The following CRPPA variants were observed in gnomAD, a reference collection of about 807,000 sequenced individuals.
CRPPA encodes the protein D-ribitol-5-phosphate cytidylyltransferase.
CRPPA carries 43 observed loss-of-function variants against 52.0 expected under a neutral mutation model. The ratio of observed to expected loss-of-function variants is 0.83; its 90% CI spans 0.65 to 1.07. CRPPA has a LOEUF of 1.07. CRPPA is among the 50% of genes least tolerant of loss of function. CRPPA has a pLI of 0.00. For synonymous variants in CRPPA, 250 were observed against 203.5 expected (o/e 1.23, Z -1.94); for missense variants, 629 against 551.7 (o/e 1.14, Z -1.40).
At chr7:16,346,820 A>G (rs1786025323) in intron 3 of CRPPA, among the ~76,000 whole-genome samples, 1 of 151,872 alleles carries the variant, frequency 6.6e-6, no homozygotes, top group Non-Finnish European at 1.5e-5. Context: ...TTGCACCTCC[A>G]CTACTATAAA....
At chr7:16,359,543 T>C (rs1322179270) in intron 3 of CRPPA, among the ~76,000 whole-genome samples, 1 of 152,182 alleles carries the variant, frequency 6.6e-6, no homozygotes, top group Non-Finnish European at 1.5e-5. Context: ...CTCAACTTCG[T>C]TCTAACTTTT....
intron 9 of CRPPA, among the ~76,000 whole-genome samples, chr7:16,105,953 T>C (rs569727985): frequency 2.0e-5 from 3 of 152,098 alleles, no homozygotes; most frequent in Admixed American, 6.6e-5. Context: ...CTACACCAGT[T>C]TGACCCAGAA....
chr7:16,281,741 T>C (rs375224849), intron 5 of CRPPA, among the ~76,000 whole-genome samples: 31 of 152,308 alleles, frequency 2.0e-4, no homozygotes, highest in African/African-American at 7.5e-4. Flanking sequence ...GGGAGAGCTT[T>C]TAATAAAAAT....
At chr7:16,252,730 G>T (rs1418641402) in intron 8 of CRPPA, among the ~76,000 whole-genome samples, 1 of 152,074 alleles carries the variant, frequency 6.6e-6, no homozygotes, top group Non-Finnish European at 1.5e-5. Context: ...GAATCGGTCT[G>T]GTCCTGGATT....
At chr7:16,126,182 T>C (rs1782577166) in intron 9 of CRPPA, among the ~76,000 whole-genome samples, 1 of 152,084 alleles carries the variant, frequency 6.6e-6, no homozygotes, top group Admixed American at 6.5e-5. Context: ...AATAAAGCTA[T>C]ATTCTTAGCA....
In CRPPA at chr7:16,258,495, A is replaced by G. The variant is rs1554300202; in HGVS notation, c.1027-13T>C. 6.5e-7 allele frequency: 1 copy of G among 1,540,950 alleles called. No homozygotes were observed. Among genetic ancestry groups the G allele is most frequent in the South Asian group, 1.2e-5 (1 of 84,364 alleles). Reference sequence around the variant, plus strand: ...CAGAGGTTGTAACCTAAAAGACCAGAAAAATAAAAGGATATGAGAAGACGT... The same window carrying G: ...CAGAGGTTGTAACCTAAAAGACCAGGAAAATAAAAGGATATGAGAAGACGT... On this transcript the variant is annotated splice_polypyrimidine_tract_variant and intron_variant, in intron 7 of 9. Coordinates refer to ENST00000407010, the MANE Select transcript of CRPPA (RefSeq NM_001101426.4).
chr7:16,294,264 G>A (rs1784626734), intron 5 of CRPPA, among the ~76,000 whole-genome samples: 3 of 151,886 alleles, frequency 2.0e-5, no homozygotes, highest in African/African-American at 7.2e-5. Flanking sequence ...ACATCAGAGT[G>A]AAGTGTCAGT....
intron 1 of CRPPA, among the ~76,000 whole-genome samples, chr7:16,410,859 C>G (rs1156966441): frequency 1.6e-4 from 25 of 152,186 alleles, no homozygotes; most frequent in Non-Finnish European, 3.5e-4. Context: ...GTCTTTCATA[C>G]TCATCAGTTC....
rs3083129 is a variant in CRPPA, at chr7:16,094,570, A to AGTGT, written c.1252-2775_1252-2772dup. On this transcript the variant is annotated intron_variant, in intron 9 of 9. Transcript: ENST00000407010. ...GATCATTTTATTATTCACATACATAAGTGTGTGTGTGTGTATGTGTGTGTG... is the reference window on the plus strand; with the variant it reads ...GATCATTTTATTATTCACATACATAAGTGTGTGTGTGTGTGTGTATGTGTGTGTG... 5.3e-3 allele frequency among the ~76,000 whole-genome samples: 799 copies of AGTGT among 150,714 alleles called. 4 individuals carry two copies. Among genetic ancestry groups the AGTGT allele is most frequent in the South Asian group, 0.012 (58 of 4,768 alleles).
chr7:16,318,869 T>C (rs1785200323), intron 3 of CRPPA, among the ~76,000 whole-genome samples: 1 of 152,182 alleles, frequency 6.6e-6, no homozygotes, highest in Admixed American at 6.5e-5. Flanking sequence ...AAAAGTAGAA[T>C]ACTATTGCTG....
Position 16,406,487 on chromosome 7 carries a change from C to T in CRPPA, c.258-150G>A. 4 of 650,114 alleles carry T rather than the reference C, an allele frequency of 6.2e-6. No individual in the cohort carries two copies. In the Admixed American group the frequency reaches 1.2e-4, roughly 19 times the overall value. 40.3% of individuals were successfully genotyped at this position (650,114 alleles called of 1,614,324 possible). A position where few individuals can be genotyped will look rare whatever the true frequency, so the allele number is the denominator to read the frequency against. On this transcript the variant is annotated intron_variant, in intron 1 of 9. Transcript: ENST00000407010. ...ACAGTTTTATGCATTCTCGTTAGGT[C>T]CAGTAAAGAGGCTGATGAAAAAGAA... is the stretch of plus-strand genomic sequence containing the variant.
chr7:16,252,011 A>T (rs1783468799), intron 8 of CRPPA, among the ~76,000 whole-genome samples: 1 of 152,190 alleles, frequency 6.6e-6, no homozygotes, highest in Non-Finnish European at 1.5e-5. Flanking sequence ...AAGAGAGAAG[A>T]ATCAAATAGA....
At chr7:16,312,839 T>C (rs866658998) in intron 3 of CRPPA, among the ~76,000 whole-genome samples, 1 of 152,014 alleles carries the variant, frequency 6.6e-6, no homozygotes, top group Non-Finnish European at 1.5e-5. Context: ...TATGATTATA[T>C]GATTTTTCTC....
chr7:16,362,633 G>A (rs986192675), intron 3 of CRPPA, among the ~76,000 whole-genome samples: 1 of 152,138 alleles, frequency 6.6e-6, no homozygotes, highest in Non-Finnish European at 1.5e-5. Context: ...TATTTGCCTG[G>A]ACACCTGAGG....
chr7:16,219,205 C>T (rs912577438), intron 8 of CRPPA, among the ~76,000 whole-genome samples: 6 of 151,610 alleles, frequency 4.0e-5, no homozygotes, highest in South Asian at 2.1e-4. Flanking sequence ...GGATACATAA[C>T]GAAATGAAGG....
At chr7:16,307,182 A>G (rs1462944341) in intron 4 of CRPPA, among the ~76,000 whole-genome samples, 1 of 152,234 alleles carries the variant, frequency 6.6e-6, no homozygotes, top group East Asian at 1.9e-4. Flanking sequence ...GCAATATTTC[A>G]AAAGCAGCAA....
intron 3 of CRPPA, among the ~76,000 whole-genome samples, chr7:16,319,460 G>C (rs187649160): frequency 6.6e-6 from 1 of 152,010 alleles, no homozygotes; most frequent in Non-Finnish European, 1.5e-5. Flanking sequence ...TCTGTATCCC[G>C]TGCAGTCTGC....
At chr7:16,269,333 A>G (rs972866089) in intron 6 of CRPPA, 3 of 152,200 alleles carry the variant, frequency 2.0e-5, no homozygotes, top group Non-Finnish European at 4.4e-5. Flanking sequence ...AGTTCATGGA[A>G]AGAGTAATCA....
intron 9 of CRPPA, among the ~76,000 whole-genome samples, chr7:16,116,675 A>ACAGGAAAGGGAAGGGAAG (rs6150004): frequency 1.0e-5 from 1 of 96,620 alleles, no homozygotes; most frequent in Admixed American, 1.4e-4. Flanking sequence ...AAAAAAAAAA[A>ACAGGAAAGGGAAGGGAAG]GGAAAGGAAA....
Sources: allele counts gnomAD v4.1 joint callset (sites outside exome capture counted in the v4.1 genomes callset), GRCh38; gene constraint gnomAD v4.1.1; transcripts MANE v1.5; gene names NCBI Gene and HGNC (gene_info 2026-07-23, HGNC 2026-07-21).